TTC13: variants seen among roughly 807,000 people sequenced by gnomAD.
The protein encoded by TTC13 is tetratricopeptide repeat domain 13.
A neutral mutation model predicts 120.0 loss-of-function variants in TTC13; 62 were observed. The ratio of observed to expected loss-of-function variants is 0.52; its 90% CI spans 0.42 to 0.64. TTC13 has a LOEUF of 0.64. Among genes scored for constraint, TTC13 ranks in the 30% least tolerant of loss-of-function variants. The pLI, the probability that TTC13 is intolerant of heterozygous loss-of-function variation, is 0.00. For synonymous variants in TTC13, 384 were observed against 393.5 expected (o/e 0.98, Z 0.28); for missense variants, 824 against 1,050.2 (o/e 0.78, Z 2.98).
intron 9 of TTC13, among the ~76,000 whole-genome samples, chr1:230,933,029 G>A (rs1276393505): frequency 6.6e-6 from 1 of 152,028 alleles, no homozygotes; most frequent in East Asian, 1.9e-4. Context: ...CTGGAGTGCA[G>A]TGGTGCAATC....
intron 15 of TTC13, among the ~76,000 whole-genome samples, chr1:230,922,048 C>G (rs536575174): frequency 6.6e-6 from 1 of 152,158 alleles, no homozygotes; most frequent in African/African-American, 2.4e-5. Flanking sequence ...CCCAGGACAT[C>G]GCTCCCTGGG....
intron 1 of TTC13, among the ~76,000 whole-genome samples, chr1:230,971,268 C>A (rs971640148): frequency 6.7e-6 from 1 of 149,182 alleles, no homozygotes; most frequent in African/African-American, 2.5e-5. Flanking sequence ...ATGGCATGGA[C>A]CCAGGAGGCA....
At chr1:230,907,085 T>C in intron 22 of TTC13, 66 bp from the exon 23 acceptor site, 1 of 583,360 alleles carries the variant, frequency 1.7e-6, no homozygotes, top group Non-Finnish European at 2.9e-6. Context: ...AGGGCAGAGC[T>C]TATATTTATT....
chr1:230,938,098 T>C (rs1674233597), intron 8 of TTC13, among the ~76,000 whole-genome samples: 1 of 152,240 alleles, frequency 6.6e-6, no homozygotes, highest in Admixed American at 6.5e-5. Flanking sequence ...CTCAAACCTC[T>C]TTCAATAATA....
chr1:230,912,557 G>A, intron 19 of TTC13, 66 bp downstream of exon 19: 2 of 1,549,660 alleles, frequency 1.3e-6, no homozygotes, highest in South Asian at 2.3e-5. Context: ...TGAAAGGGCA[G>A]AGGTTCAAAA....
In TTC13 at chr1:230,921,461, T is replaced by G; in HGVS notation, c.1858A>C (p.Ile620Leu). 6.4e-7 allele frequency: 1 copy of G among 1,552,536 alleles called. No individual in the cohort carries two copies. The highest frequency in any genetic ancestry group is 8.8e-7 in the Non-Finnish European group (1 of 1,141,938). Residue 620 changes from isoleucine to leucine, a missense_variant, in exon 16 of 23, where the codon ATA becomes CTA. This residue lies in a region of TTC13 where 430 missense variants were observed against 626.8 expected (regional missense o/e 0.69). Coordinates refer to ENST00000366661, the MANE Select transcript of TTC13 (RefSeq NM_024525.5). ...ATTCTGTCTTTAATAAAATGAAGTA[T>G]TTTCTCAAAATATTCTAGGTATCTC... ...NMRYLEYFEKILHFIKDRILV... is the reference protein window; with the variant it reads ...NMRYLEYFEKLLHFIKDRILV...
intron 15 of TTC13, 78 bp downstream of exon 15, chr1:230,923,763 G>A (rs1346609870): frequency 2.5e-6 from 3 of 1,187,094 alleles, no homozygotes; most frequent in Non-Finnish European, 3.7e-6. Context: ...GGAGCAATGG[G>A]TCACTCCTGG....
chr1:230,924,011 G>T, intron 14 of TTC13, 78 bp from the exon 15 acceptor site: 1 of 1,145,442 alleles, frequency 8.7e-7, no homozygotes, highest in Non-Finnish European at 1.3e-6. Flanking sequence ...GTTTGCAAAG[G>T]TGGGGATAAA....
Position 230,944,724 on chromosome 1 carries a change from C to T in TTC13, c.579+665G>A, listed in dbSNP as rs568843559. 6.6e-6 allele frequency among the ~76,000 whole-genome samples: 1 copy of T among 152,142 alleles called. No individual in the cohort carries two copies. Among genetic ancestry groups the T allele is most frequent in the East Asian group, 1.9e-4 (1 of 5,176 alleles). On this transcript the variant is annotated intron_variant, in intron 5 of 22. Coordinates refer to ENST00000366661, the MANE Select transcript of TTC13 (RefSeq NM_024525.5). This position sits in a 1 kb window ranked among gnomAD's most constrained non-coding sequence, Gnocchi z 4.0. ...TGTAAAAGTTGCAAAAGTGGCATTT[C>T]TCTCAAAGCACAATTTCACACAAAT...
chr1:230,943,939 C>T (rs1339729058), intron 5 of TTC13, 41 bp from the exon 6 acceptor site: 20 of 1,458,098 alleles, frequency 1.4e-5, no homozygotes, highest in Non-Finnish European at 1.7e-5. Context: ...TACTGTTACT[C>T]AAAACCAGGC....
intron 20 of TTC13, 125 bp downstream of exon 20, chr1:230,911,345 A>G (rs1320045554): frequency 8.4e-6 from 5 of 595,878 alleles, no homozygotes; most frequent in African/African-American, 7.8e-5. Context: ...CAGATTTTGG[A>G]AAAAAATAGG....
In TTC13 at chr1:230,961,355, G is replaced by A. The variant is rs763057439; in HGVS notation, c.272-52C>T. 4 of 1,322,624 alleles carry A rather than the reference G, an allele frequency of 3.0e-6. No individual in the cohort carries two copies. In the African/African-American group the frequency reaches 5.9e-5, roughly 19 times the overall value. 81.9% of individuals were successfully genotyped at this position (1,322,624 alleles called of 1,614,324 possible). On this transcript the variant is annotated intron_variant, in intron 1 of 22. Coordinates refer to ENST00000366661, the MANE Select transcript of TTC13 (RefSeq NM_024525.5). ...CTCTACACCTTAATTTATGCTCTTA[G>A]GTGCTTAACTATGAATTAGAATTTT...
chr1:230,923,033 T>C (rs887490693), intron 15 of TTC13, among the ~76,000 whole-genome samples: 7 of 152,280 alleles, frequency 4.6e-5, no homozygotes, highest in African/African-American at 1.7e-4. Context: ...TAAATATACA[T>C]ACAAATTATA....
intron 2 of TTC13, among the ~76,000 whole-genome samples, chr1:230,959,406 A>C (rs1187539989): frequency 1.3e-5 from 2 of 151,954 alleles, no homozygotes; most frequent in African/African-American, 2.4e-5. Context: ...TTTGAGACAA[A>C]GTTTCTCTCT....
Position 230,924,992 on chromosome 1 carries a change from G to T in TTC13, c.1589-19C>A. ...CCCATAGCTACGAGAAAGGAATATC[G>T]AGAAGAGTTAGTACACTTTAGAGGG... On this transcript the variant is annotated intron_variant, in intron 13 of 22. Coordinates refer to ENST00000366661, the MANE Select transcript of TTC13 (RefSeq NM_024525.5). 2 of 1,614,012 alleles carry T rather than the reference G, an allele frequency of 1.2e-6. No individual in the cohort carries two copies. Among genetic ancestry groups the T allele is most frequent in the Non-Finnish European group, 1.7e-6 (2 of 1,179,982 alleles).
At chr1:230,934,624 T>C (rs1022733509) in intron 8 of TTC13, among the ~76,000 whole-genome samples, 3 of 152,188 alleles carry the variant, frequency 2.0e-5, no homozygotes, top group Non-Finnish European at 4.4e-5. Context: ...AACCTAGGCT[T>C]AAACCAACAT....
chr1:230,938,035 C>G (rs9431606), intron 8 of TTC13, among the ~76,000 whole-genome samples: 20,457 of 152,230 alleles, frequency 0.13, 1,391 homozygotes, highest in Middle Eastern at 0.16. Flanking sequence ...CAATGTGCAG[C>G]CTTTTCACAG....
chr1:230,913,812 A>T (rs1366654046), intron 18 of TTC13, among the ~76,000 whole-genome samples: 1 of 152,234 alleles, frequency 6.6e-6, no homozygotes, highest in African/African-American at 2.4e-5. Flanking sequence ...ATTGGAAAGC[A>T]GGGGTGAACT....
At chr1:230,918,662 C>T (rs1035375071) in intron 17 of TTC13, among the ~76,000 whole-genome samples, 2 of 152,120 alleles carry the variant, frequency 1.3e-5, no homozygotes, top group Non-Finnish European at 2.9e-5. Flanking sequence ...CAATAAACTC[C>T]ACGAGGTAGG....
Sources: allele counts gnomAD v4.1 joint callset (sites outside exome capture counted in the v4.1 genomes callset), GRCh38; gene constraint gnomAD v4.1.1; regional missense constraint gnomAD v4.1.1; non-coding constraint Gnocchi (gnomAD v3.1); transcripts MANE v1.5; gene names NCBI Gene and HGNC (gene_info 2026-07-23, HGNC 2026-07-21).